Variants in ADAMTS12 observed in about 807,000 individuals in gnomAD.
ADAMTS12 encodes A disintegrin and metalloproteinase with thrombospondin motifs 12.
Under a neutral mutation model 167.8 loss-of-function variants are expected in ADAMTS12, and 118 were observed. The observed-to-expected ratio is 0.70, with a 90% CI of 0.61 to 0.82. The LOEUF is 0.82. ADAMTS12 is among the 40% of genes least tolerant of loss of function. ADAMTS12 has a pLI of 0.00. For missense variants in ADAMTS12, 1,916 were observed against 1,998.8 expected (o/e 0.96, Z 0.79); for synonymous variants, 704 against 716.9 (o/e 0.98, Z 0.29).
intron 16 of ADAMTS12, 129 bp from the exon 17 acceptor site, chr5:33,596,189 GT>G: frequency 1.7e-6 from 2 of 1,211,688 alleles, no homozygotes; most frequent in Non-Finnish European, 2.3e-6. Context: ...AAGTTACTTG[GT>G]TTTAAAGGAG....
chr5:33,565,645 G>A (rs1439117437), intron 19 of ADAMTS12, among the ~76,000 whole-genome samples: 1 of 148,034 alleles, frequency 6.8e-6, no homozygotes, highest in African/African-American at 2.5e-5. Context: ...GCTGTTAATC[G>A]TTCCACCACT....
At chr5:33,839,250 T>C (rs1322033659) in intron 2 of ADAMTS12, among the ~76,000 whole-genome samples, 2 of 152,052 alleles carry the variant, frequency 1.3e-5, no homozygotes, top group Non-Finnish European at 2.9e-5. Context: ...AGAATATCTA[T>C]GTTATAAGAT....
At chr5:33,538,176 G>A (rs1431876750) in intron 22 of ADAMTS12, among the ~76,000 whole-genome samples, 1 of 152,204 alleles carries the variant, frequency 6.6e-6, no homozygotes, top group African/African-American at 2.4e-5. Context: ...CCACAGGGCT[G>A]GGGAGGCCTC....
At chr5:33,570,197 C>T (rs1331057441) in intron 19 of ADAMTS12, among the ~76,000 whole-genome samples, 1 of 152,082 alleles carries the variant, frequency 6.6e-6, no homozygotes, top group African/African-American at 2.4e-5. Context: ...GGAGAACTTC[C>T]CCAATCTAGC....
chr5:33,547,351 C>T (rs1745034194), intron 21 of ADAMTS12, among the ~76,000 whole-genome samples: 1 of 152,240 alleles, frequency 6.6e-6, no homozygotes, highest in South Asian at 2.1e-4. Flanking sequence ...CGGGGTGGGA[C>T]CTATCCATCT....
intron 2 of ADAMTS12, among the ~76,000 whole-genome samples, chr5:33,824,459 G>A (rs1365651075): frequency 6.6e-6 from 1 of 152,180 alleles, no homozygotes; most frequent in African/African-American, 2.4e-5. Context: ...ATTTTTGTAG[G>A]CTTCAATGGA....
intron 1 of ADAMTS12, among the ~76,000 whole-genome samples, chr5:33,883,791 G>A (rs1750542219): frequency 6.6e-6 from 1 of 152,178 alleles, no homozygotes; most frequent in Non-Finnish European, 1.5e-5. Context: ...TGATACTAGT[G>A]TGCCATGAAC....
intron 22 of ADAMTS12, among the ~76,000 whole-genome samples, chr5:33,539,512 T>G (rs1744580703): frequency 2.0e-5 from 3 of 152,210 alleles, no homozygotes; most frequent in African/African-American, 4.8e-5. Flanking sequence ...CAGATGTTTC[T>G]TAGGCTGTGT....
chr5:33,815,608 G>C (rs1286217200), intron 2 of ADAMTS12, among the ~76,000 whole-genome samples: 1 of 152,174 alleles, frequency 6.6e-6, no homozygotes, highest in East Asian at 1.9e-4. Context: ...AAAAAAAGAA[G>C]ATTTTAGAGG....
chr5:33,538,745 G>A (rs890458901), intron 22 of ADAMTS12, among the ~76,000 whole-genome samples: 3 of 152,158 alleles, frequency 2.0e-5, no homozygotes, highest in Non-Finnish European at 4.4e-5. Context: ...AGTTAGGTAA[G>A]ATAATCAGTC....
chr5:33,750,862 G>A (rs116977090), intron 3 of ADAMTS12, among the ~76,000 whole-genome samples: 2 of 152,298 alleles, frequency 1.3e-5, no homozygotes, highest in East Asian at 1.9e-4. Flanking sequence ...ACAACACTGT[G>A]TAGCCAAAAG....
At chr5:33,640,020 G>GT (rs1324807976) in intron 11 of ADAMTS12, among the ~76,000 whole-genome samples, 2 of 152,158 alleles carry the variant, frequency 1.3e-5, no homozygotes, top group African/African-American at 4.8e-5. Context: ...CTATGACCTG[G>GT]TATGTCTCCA....
rs374754807 is a variant in ADAMTS12 at position 33,535,034 on chromosome 5, G to C, written c.4447-42C>G. On this transcript the variant is annotated intron_variant, in intron 22 of 23. Transcript: ENST00000504830. ...ACAGAGAGTCAGAAGTCCTCCCCAC[G>C]ACTCCCAAGGAAACACCAGTAGAAC... The C allele has an allele frequency of 2.4e-4, 378 of 1,543,276 alleles. 1 individual carries two copies. Among genetic ancestry groups the C allele is most frequent in the Non-Finnish European group, 3.1e-4 (355 of 1,150,568 alleles).
intron 2 of ADAMTS12, among the ~76,000 whole-genome samples, chr5:33,805,201 C>T (rs1747177014): frequency 6.6e-6 from 1 of 152,166 alleles, no homozygotes; most frequent in Non-Finnish European, 1.5e-5. Flanking sequence ...GAGCCACCCT[C>T]CAGGAGAGGC....
At chr5:33,720,280 T>TCACACACACA (rs201402268) in intron 3 of ADAMTS12, among the ~76,000 whole-genome samples, 6 of 62,328 alleles carry the variant, frequency 9.6e-5, no homozygotes, top group East Asian at 5.9e-4. Context: ...TCTCTCTCTC[T>TCACACACACA]CACTCACACA....
chr5:33,716,525 G>A (rs1018320204), intron 3 of ADAMTS12, among the ~76,000 whole-genome samples: 1 of 151,774 alleles, frequency 6.6e-6, no homozygotes, highest in Non-Finnish European at 1.5e-5. Context: ...TGTTTCCCTC[G>A]CTTATTATAT....
Position 33,743,652 on chromosome 5 carries a change from A to G in ADAMTS12, c.634+7752T>C, listed in dbSNP as rs1744678802. Reference sequence around the variant, plus strand: ...GTGTGAGTGTGGGAGCTCGCTGAGTAAATGAAATCACTTGCTTTCTTTTTC... The same window carrying G: ...GTGTGAGTGTGGGAGCTCGCTGAGTGAATGAAATCACTTGCTTTCTTTTTC... On this transcript the variant is annotated intron_variant, in intron 3 of 23. Coordinates refer to ENST00000504830, the MANE Select transcript of ADAMTS12 (RefSeq NM_030955.4). Among the ~76,000 whole-genome samples the G allele has an allele frequency of 2.0e-5, 3 of 152,314 alleles. No individual in the cohort carries two copies. In the South Asian group the frequency reaches 6.2e-4, roughly 32 times the overall value.
intron 13 of ADAMTS12, among the ~76,000 whole-genome samples, chr5:33,628,625 C>T (rs76070502): frequency 1.3e-3 from 196 of 152,254 alleles, no homozygotes; most frequent in African/African-American, 4.3e-3. Context: ...ACACTGCATA[C>T]ATTGTTTTCC....
intron 3 of ADAMTS12, among the ~76,000 whole-genome samples, chr5:33,697,880 CTCA>C (rs1243653184): frequency 2.6e-5 from 4 of 152,274 alleles, no homozygotes; most frequent in African/African-American, 9.6e-5. Flanking sequence ...CAGGTGTGCT[CTCA>C]TGGCAACTGG....
Sources: gnomAD v4.1 joint callset for allele counts (sites outside exome capture counted in the v4.1 genomes callset) on GRCh38, gnomAD v4.1.1 for gene constraint, MANE v1.5 for transcripts, NCBI Gene and HGNC (gene_info 2026-07-23, HGNC 2026-07-21) for gene names.